The following PCDHA11 variants were observed in gnomAD, a reference collection of about 807,000 sequenced individuals.
PCDHA11 encodes protocadherin alpha 11, also known as protocadherin alpha-11.
In PCDHA11, 61 loss-of-function variants were observed where a neutral mutation model predicts 70.3. That is an observed-to-expected ratio of 0.87 (90% CI 0.71 to 1.07). The LOEUF is 1.07. Among genes scored for constraint, PCDHA11 ranks in the 50% least tolerant of loss-of-function variants. PCDHA11 has a pLI of 0.00. For missense variants in PCDHA11, 1,324 were observed against 1,237.5 expected (o/e 1.07, Z -1.05); for synonymous variants, 633 against 555.1 (o/e 1.14, Z -1.97).
chr5:140,978,544 A>G (rs2096808919), intron 1 of PCDHA11, among the ~76,000 whole-genome samples: 1 of 152,234 alleles, frequency 6.6e-6, no homozygotes, highest in Non-Finnish European at 1.5e-5. Context: ...TTGTGTAGCC[A>G]TGTGCCCTGT....
At chr5:140,966,818 C>T in intron 1 of PCDHA11, 1 of 1,554,294 alleles carries the variant, frequency 6.4e-7, no homozygotes, top group Admixed American at 1.9e-5. Flanking sequence ...ACGGCTCCGG[C>T]GGCCCATGCC....
chr5:140,887,120 G>A (rs2061314160), intron 1 of PCDHA11, among the ~76,000 whole-genome samples: 1 of 148,878 alleles, frequency 6.7e-6, no homozygotes, highest in African/African-American at 2.5e-5. Context: ...TTTTTGAGAC[G>A]GAGTCTCACT....
At chr5:140,902,938 C>T (rs2069876653) in intron 1 of PCDHA11, among the ~76,000 whole-genome samples, 1 of 152,186 alleles carries the variant, frequency 6.6e-6, no homozygotes. Flanking sequence ...ATATATACCA[C>T]ATTTTCTTTA....
chr5:140,922,643 C>T (rs1554200906), intron 1 of PCDHA11, among the ~76,000 whole-genome samples: 3 of 152,192 alleles, frequency 2.0e-5, no homozygotes, highest in African/African-American at 7.2e-5. Flanking sequence ...CTCCATCAAA[C>T]AGTAAATATG....
At chr5:140,985,020 C>G (rs1361661147) in intron 3 of PCDHA11, among the ~76,000 whole-genome samples, 1 of 152,110 alleles carries the variant, frequency 6.6e-6, no homozygotes, top group Non-Finnish European at 1.5e-5. Flanking sequence ...TCACAGCAAC[C>G]TCTGCCTCCT....
intron 1 of PCDHA11, chr5:140,884,062 C>T (rs1328958684): frequency 8.7e-6 from 14 of 1,613,496 alleles, no homozygotes; most frequent in Non-Finnish European, 1.2e-5. Context: ...GCGCGGTGGA[C>T]GCCGATTCGG....
chr5:140,897,424 T>G (rs2066099863), intron 1 of PCDHA11, among the ~76,000 whole-genome samples: 1 of 148,866 alleles, frequency 6.7e-6, no homozygotes, highest in Non-Finnish European at 1.5e-5. Flanking sequence ...CATCTATGAG[T>G]GAGAACATGC....
At chr5:140,884,496 G>T (rs782182672) in intron 1 of PCDHA11, 1 of 1,614,094 alleles carries the variant, frequency 6.2e-7, no homozygotes, top group Non-Finnish European at 8.5e-7. Flanking sequence ...GTGTGCTCCA[G>T]CGCGGCAGGG....
intron 1 of PCDHA11, among the ~76,000 whole-genome samples, chr5:140,917,131 G>C (rs572644426): frequency 6.6e-6 from 1 of 152,072 alleles, no homozygotes; most frequent in Non-Finnish European, 1.5e-5. Flanking sequence ...GACTCCCCAC[G>C]TTGCTCAGCT....
At chr5:140,916,464 G>T (rs2077577403) in intron 1 of PCDHA11, among the ~76,000 whole-genome samples, 1 of 152,206 alleles carries the variant, frequency 6.6e-6, no homozygotes, top group Non-Finnish European at 1.5e-5. Context: ...ATCACTGCTG[G>T]TTATTTGGTG....
intron 1 of PCDHA11, chr5:140,968,379 A>C: frequency 6.2e-7 from 1 of 1,614,034 alleles, no homozygotes; most frequent in Non-Finnish European, 8.5e-7. Context: ...AACTCCTTTG[A>C]CTATGAGAAG....
chr5:140,954,355 G>A (rs10054520), intron 1 of PCDHA11, among the ~76,000 whole-genome samples: 9 of 152,232 alleles, frequency 5.9e-5, no homozygotes, highest in African/African-American at 1.7e-4. Context: ...TTGAGGAATC[G>A]CCACACAGTC....
At chr5:140,893,892 C>A (rs1554185839) in intron 1 of PCDHA11, among the ~76,000 whole-genome samples, 1 of 152,184 alleles carries the variant, frequency 6.6e-6, no homozygotes, top group Non-Finnish European at 1.5e-5. Flanking sequence ...CAGAAAGTTA[C>A]TTTACCTTCT....
intron 1 of PCDHA11, chr5:140,928,068 C>G: frequency 1.2e-6 from 2 of 1,614,214 alleles, no homozygotes; most frequent in South Asian, 2.2e-5. Context: ...CTTCCTTTGA[C>G]AACTACTACA....
In PCDHA11 at chr5:140,869,788, T is replaced by C. The variant is rs782425741; in HGVS notation, c.685T>C (p.Leu229=). 4 of 1,612,892 alleles carry C rather than the reference T, an allele frequency of 2.5e-6. No individual in the cohort carries two copies. Among genetic ancestry groups the C allele is most frequent in the African/African-American group, 1.3e-5 (1 of 75,034 alleles). ...AGAGCTTACTGGCACCGTTCGGCTG[T>C]TAGTCCAAGTCTTGGATGTCAACGA... ...KPELTGTVRL[L]VQVLDVNDND... is the part of the protein sequence containing the mutation. The change falls in exon 1 of 4, where the codon TTA becomes CTA. Residue 229 remains leucine (L), a synonymous_variant. Coordinates refer to ENST00000398640, the MANE Select transcript of PCDHA11 (RefSeq NM_018902.5).
intron 1 of PCDHA11, among the ~76,000 whole-genome samples, chr5:140,905,043 A>T (rs782694794): frequency 1.5e-4 from 23 of 152,126 alleles, no homozygotes; most frequent in Non-Finnish European, 5.9e-5. Flanking sequence ...TAGTTTAATT[A>T]GGTCCCATTT....
intron 1 of PCDHA11, among the ~76,000 whole-genome samples, chr5:140,922,915 A>G (rs1184691604): frequency 6.6e-6 from 1 of 152,224 alleles, no homozygotes; most frequent in Non-Finnish European, 1.5e-5. Context: ...ATACAAATAA[A>G]CTTCAGACTT....
intron 1 of PCDHA11, chr5:140,882,358 G>T (rs1554173779): frequency 3.7e-6 from 6 of 1,614,232 alleles, no homozygotes; most frequent in Middle Eastern, 1.7e-4. Flanking sequence ...GTAGTGGCCA[G>T]CTCCACTACT....
chr5:140,968,629 T>C, intron 1 of PCDHA11: 1 of 1,614,174 alleles, frequency 6.2e-7, no homozygotes, highest in Non-Finnish European at 8.5e-7. Context: ...CTTGGCTTTT[T>C]TACCATCTAG....
Sources: allele counts gnomAD v4.1 joint callset (sites outside exome capture counted in the v4.1 genomes callset), GRCh38; gene constraint gnomAD v4.1.1; transcripts MANE v1.5; gene names NCBI Gene and HGNC (gene_info 2026-07-23, HGNC 2026-07-21).